The following GAPVD1 variants were observed in gnomAD, a reference collection of about 807,000 sequenced individuals.
GAPVD1 encodes GTPase-activating protein and VPS9 domain-containing protein 1.
GAPVD1 carries 35 observed loss-of-function variants against 155.5 expected under a neutral mutation model. The ratio of observed to expected loss-of-function variants is 0.23; its 90% CI spans 0.17 to 0.30. The LOEUF (loss-of-function observed/expected upper bound fraction) is 0.30, where lower values mean the gene tolerates loss of function less well. Among genes scored for constraint, GAPVD1 ranks in the 10% least tolerant of loss-of-function variants. GAPVD1 has a pLI of 1.00. For synonymous variants in GAPVD1, 636 were observed against 619.7 expected, an observed-to-expected ratio of 1.03 and a Z score of -0.39; for missense variants, 1,429 against 1,775.7, an observed-to-expected ratio of 0.80 and a Z score of 3.51.
chr9:125,360,743 A>C lies in GAPVD1; in HGVS notation c.4242+18A>C, dbSNP rs997214764. 6.3e-7 allele frequency: 1 copy of C among 1,589,316 alleles called. No individual in the cohort carries two copies. On this transcript the variant is annotated intron_variant, in intron 27 of 27. Coordinates refer to ENST00000297933, the MANE Select transcript of GAPVD1 (RefSeq NM_001282680.3). ...TGATAAAGGTGGGCCCCTTACTACTATCAGTTAAGGAGTTATGTGGCATTC... is the reference window on the plus strand; with the variant it reads ...TGATAAAGGTGGGCCCCTTACTACTCTCAGTTAAGGAGTTATGTGGCATTC...
chr9:125,333,485 CTTTTTTTTTTTTTT>C (rs36083522), intron 15 of GAPVD1, among the ~76,000 whole-genome samples: 1 of 124,368 alleles, frequency 8.0e-6, no homozygotes. Flanking sequence ...TACCTTTTGT[CTTTTTTTTTTTTTT>C]TTTTTTGAGA....
chr9:125,340,208 A>C (rs1564434258), intron 17 of GAPVD1, among the ~76,000 whole-genome samples: 3 of 152,214 alleles, frequency 2.0e-5, no homozygotes, highest in South Asian at 4.1e-4. Context: ...TTTAGTAGAG[A>C]TGAGGTTTCA....
chr9:125,284,251 C>A (rs1457373377), intron 2 of GAPVD1, among the ~76,000 whole-genome samples: 1 of 141,690 alleles, frequency 7.1e-6, no homozygotes, highest in African/African-American at 2.7e-5. Context: ...GTGGTGCGAT[C>A]TCAGCTTGCT....
At chr9:125,327,574 G>A (rs554013506) in intron 12 of GAPVD1, among the ~76,000 whole-genome samples, 11 of 152,204 alleles carry the variant, frequency 7.2e-5, no homozygotes, top group Admixed American at 4.6e-4. Flanking sequence ...TGCGATCTCA[G>A]CTCACTGCAA....
At chr9:125,335,591 C>G (rs959064331) in intron 15 of GAPVD1, among the ~76,000 whole-genome samples, 1 of 151,808 alleles carries the variant, frequency 6.6e-6, no homozygotes, top group South Asian at 2.1e-4. Context: ...GCAGGAGAAT[C>G]GCTTGAACCC....
At chr9:125,321,192 T>G (rs1185435071) in intron 9 of GAPVD1, among the ~76,000 whole-genome samples, 2 of 152,196 alleles carry the variant, frequency 1.3e-5, no homozygotes, top group Non-Finnish European at 2.9e-5. Context: ...ACTCATCTGG[T>G]AGTCTGGTTG....
chr9:125,335,651 T>C (rs917651361), intron 15 of GAPVD1, among the ~76,000 whole-genome samples: 2 of 151,986 alleles, frequency 1.3e-5, no homozygotes, highest in African/African-American at 4.8e-5. Flanking sequence ...CACTCCACCC[T>C]GGTGACAGAG....
chr9:125,280,108 T>C (rs1430004124), intron 2 of GAPVD1, among the ~76,000 whole-genome samples: 3 of 149,218 alleles, frequency 2.0e-5, no homozygotes, highest in Non-Finnish European at 3.0e-5. Flanking sequence ...ATAGAATAAA[T>C]GAGAAGAGCC....
At chr9:125,309,101 A>G (rs748801310) in intron 8 of GAPVD1, 9 of 152,146 alleles carry the variant, frequency 5.9e-5, no homozygotes, top group South Asian at 2.1e-4. Flanking sequence ...TAATTTATGC[A>G]TTTTGAAGAG....
In GAPVD1 at chr9:125,359,706, G is replaced by GC. The variant is rs1850646825; in HGVS notation, c.4044+217dup. 4 of 496,996 alleles carry GC rather than the reference G, an allele frequency of 8.0e-6. No homozygotes were observed. The East Asian group carries it at 1.3e-4, about 17-fold the overall frequency. 30.8% of individuals were successfully genotyped at this position (496,996 alleles called of 1,614,324 possible). On this transcript the variant is annotated intron_variant, in intron 26 of 27. Transcript: ENST00000297933. Reference sequence around the variant, plus strand: ...AATAGTAGAAAGCCAGTTGTGAGGAGCCCTTCCTTGATGCCACTTCTCAAG... The same window carrying GC: ...AATAGTAGAAAGCCAGTTGTGAGGAGCCCCTTCCTTGATGCCACTTCTCAAG...
intron 2 of GAPVD1, among the ~76,000 whole-genome samples, chr9:125,293,707 ATATT>A (rs1202597956): frequency 1.6e-5 from 2 of 125,336 alleles, no homozygotes; most frequent in East Asian, 2.3e-4. Flanking sequence ...TATTAAATAT[ATATT>A]TTTATATTTT....
At chr9:125,341,356 A>G (rs1847827450) in intron 18 of GAPVD1, 92 bp downstream of exon 18, 2 of 668,474 alleles carry the variant, frequency 3.0e-6, no homozygotes, top group Admixed American at 5.8e-5. Context: ...ACTCCTCTGT[A>G]AGACTTGCTG....
At chr9:125,286,062 C>T (rs1837644462) in intron 2 of GAPVD1, among the ~76,000 whole-genome samples, 1 of 151,974 alleles carries the variant, frequency 6.6e-6, no homozygotes, top group Admixed American at 6.6e-5. Flanking sequence ...CCTGCTTTGG[C>T]CTGCCAAAGT....
At chr9:125,299,897 T>C (rs1483534641) in intron 4 of GAPVD1, among the ~76,000 whole-genome samples, 11 of 141,044 alleles carry the variant, frequency 7.8e-5, no homozygotes, top group Admixed American at 2.9e-4. Flanking sequence ...CATACGCCTG[T>C]AATCCCAGCT....
At chr9:125,325,975 C>T (rs1845112465) in intron 11 of GAPVD1, among the ~76,000 whole-genome samples, 2 of 152,156 alleles carry the variant, frequency 1.3e-5, no homozygotes, top group African/African-American at 4.8e-5. Context: ...ATGAATCATT[C>T]CTTAGTTCAG....
chr9:125,348,630 G>A (rs1003483676), intron 20 of GAPVD1, among the ~76,000 whole-genome samples: 3 of 151,790 alleles, frequency 2.0e-5, no homozygotes, highest in Non-Finnish European at 2.9e-5. Flanking sequence ...CTCCTGCCTC[G>A]ACCTCCCGAG....
In GAPVD1 at chr9:125,311,046, G is replaced by A. The variant is rs913019649; in HGVS notation, c.1442-1406G>A. 9.2e-5 allele frequency among the ~76,000 whole-genome samples: 14 copies of A among 151,556 alleles called. No homozygotes were observed. The South Asian group carries it at 2.7e-3, about 29-fold the overall frequency. ...AGTAGAGACGGGGTTTCACCATGTT[G>A]GCCAGGCTGGTCTCAAACTCCCGAC... On this transcript the variant is annotated intron_variant, in intron 8 of 27. Transcript: ENST00000297933.
chr9:125,301,846 A>C (rs1007714673), intron 4 of GAPVD1, 137 bp from the exon 5 acceptor site: 6 of 649,196 alleles, frequency 9.2e-6, no homozygotes, highest in Non-Finnish European at 1.5e-5. Flanking sequence ...TGTTAGTTTA[A>C]AAAATTTTAG....
At chr9:125,347,850 A>G (rs928114004) in intron 20 of GAPVD1, among the ~76,000 whole-genome samples, 2 of 152,166 alleles carry the variant, frequency 1.3e-5, no homozygotes, top group African/African-American at 2.4e-5. Flanking sequence ...GAAGACTCCT[A>G]GGAAGCCTCA....
Sources: gnomAD v4.1 joint callset for allele counts (sites outside exome capture counted in the v4.1 genomes callset) on GRCh38, gnomAD v4.1.1 for gene constraint, MANE v1.5 for transcripts, NCBI Gene and HGNC (gene_info 2026-07-23, HGNC 2026-07-21) for gene names.